DIAPH2: variants seen among roughly 807,000 people sequenced by gnomAD.
DIAPH2 encodes the protein protein diaphanous homolog 2.
DIAPH2 carries 35 observed loss-of-function variants against 92.7 expected under a neutral mutation model. The observed-to-expected ratio is 0.38, with a 90% CI of 0.29 to 0.50. The LOEUF (loss-of-function observed/expected upper bound fraction) is 0.50, where lower values mean the gene tolerates loss of function less well. Among genes scored for constraint, DIAPH2 ranks in the 20% least tolerant of loss-of-function variants. DIAPH2 has a pLI of 0.94. For missense variants in DIAPH2, 701 were observed against 819.5 expected, an observed-to-expected ratio of 0.86 and a Z score of 1.77; for synonymous variants, 301 against 280.4, an observed-to-expected ratio of 1.07 and a Z score of -0.73.
At chrX:97,448,784 G>A (rs1295536633) in intron 26 of DIAPH2, among the ~76,000 whole-genome samples, 3 of 111,593 alleles carry the variant, frequency 2.7e-5, no homozygotes, top group African/African-American at 6.5e-5. Context: ...ATTAGCACTG[G>A]GGCAAGCTGA....
At chrX:96,686,883 T>A (rs2063773764) in intron 1 of DIAPH2, among the ~76,000 whole-genome samples, 1 of 111,739 alleles carries the variant, frequency 8.9e-6, no homozygotes, top group Non-Finnish European at 1.9e-5. Context: ...TTTTGAGTAT[T>A]ATGTTAATAA....
Position 96,684,897 on chromosome X carries a change from TG to T in DIAPH2, c.-160del. The T allele has an allele frequency of 1.6e-6, 1 of 608,069 alleles. No homozygotes were observed. Among genetic ancestry groups the T allele is most frequent in the African/African-American group, 2.3e-5 (1 of 42,676 alleles). The allele number at this position is 608,069 out of a possible 1,213,427, so 50.1% of individuals were successfully genotyped here. On this transcript the variant is annotated 5_prime_UTR_variant, in exon 1 of 27. Transcript: ENST00000324765. ...GTTGCGTCGGGGGTGCCTGGGAGCC[TG>T]GAGTCCCGGGGGCCTGAAATCGGCA...
chrX:97,241,638 G>A (rs1336398912), intron 22 of DIAPH2, among the ~76,000 whole-genome samples: 2 of 110,894 alleles, frequency 1.8e-5, no homozygotes, highest in Non-Finnish European at 3.8e-5. Flanking sequence ...ACTAGTTGAA[G>A]GAACTGGGTA....
intron 5 of DIAPH2, among the ~76,000 whole-genome samples, chrX:96,892,607 C>T (rs2065315083): frequency 9.0e-6 from 1 of 111,500 alleles, no homozygotes; most frequent in Non-Finnish European, 1.9e-5. Context: ...CTGACTTCGG[C>T]ACATGCAATG....
At chrX:96,735,511 T>A (rs2064081130) in intron 1 of DIAPH2, among the ~76,000 whole-genome samples, 1 of 111,649 alleles carries the variant, frequency 9.0e-6, no homozygotes, top group Non-Finnish European at 1.9e-5. Context: ...CTGATTTAGA[T>A]CTGATTTGGG....
At chrX:97,567,709 A>G (rs1441776133) in intron 26 of DIAPH2, among the ~76,000 whole-genome samples, 1 of 111,718 alleles carries the variant, frequency 9.0e-6, no homozygotes, top group Non-Finnish European at 1.9e-5. Flanking sequence ...GGCTAGTCTC[A>G]GTGTGTTATA....
chrX:97,170,126 T>G (rs2067440922), intron 22 of DIAPH2, among the ~76,000 whole-genome samples: 1 of 111,502 alleles, frequency 9.0e-6, no homozygotes, highest in African/African-American at 3.3e-5. Flanking sequence ...GTTCACCACA[T>G]AGGGACACCA....
intron 17 of DIAPH2, among the ~76,000 whole-genome samples, chrX:97,017,029 A>G (rs1226633042): frequency 9.0e-6 from 1 of 111,533 alleles, no homozygotes. Context: ...GTGGGTATGA[A>G]GCTGTGCACT....
intron 26 of DIAPH2, among the ~76,000 whole-genome samples, chrX:97,587,465 T>C (rs767967874): frequency 6.7e-4 from 75 of 111,377 alleles, no homozygotes; most frequent in African/African-American, 2.4e-3. Flanking sequence ...ATAAGAAAAA[T>C]AAGTAAATAG....
At chrX:96,888,568 C>T (rs1569421204) in intron 5 of DIAPH2, among the ~76,000 whole-genome samples, 1 of 46,822 alleles carries the variant, frequency 2.1e-5, no homozygotes, top group Non-Finnish European at 3.4e-5. Context: ...TATATATACA[C>T]AGATATATAT....
chrX:97,480,320 G>C (rs1474771348), intron 26 of DIAPH2, among the ~76,000 whole-genome samples: 1 of 111,771 alleles, frequency 8.9e-6, no homozygotes, highest in Admixed American at 9.5e-5. Flanking sequence ...AGCTAGGAGA[G>C]AGAAGTGCAA....
intron 23 of DIAPH2, among the ~76,000 whole-genome samples, chrX:97,288,540 G>C (rs1372179283): frequency 9.1e-6 from 1 of 110,239 alleles, no homozygotes; most frequent in African/African-American, 3.3e-5. Flanking sequence ...TCAGGAGTTC[G>C]AGAACAGCCT....
rs1485951555 is a variant in DIAPH2, at chrX:97,491,145, C to T, written c.3241+61400C>T. On this transcript the variant is annotated intron_variant, in intron 26 of 26. Coordinates refer to ENST00000324765, the MANE Select transcript of DIAPH2 (RefSeq NM_006729.5). The stretch of plus-strand genomic sequence containing the variant: ...TTATATCTTCCTGATGAATTGCTTT[C>T]ATTATTATGTAATGACCTTTTTCGC... Among the ~76,000 whole-genome samples, 3 of 111,563 alleles carry T rather than the reference C, an allele frequency of 2.7e-5. No individual in the cohort carries two copies. The Admixed American group carries it at 2.9e-4, about 11-fold the overall frequency.
At chrX:97,493,742 C>G (rs2070739774) in intron 26 of DIAPH2, among the ~76,000 whole-genome samples, 1 of 106,930 alleles carries the variant, frequency 9.4e-6, no homozygotes, top group Non-Finnish European at 1.9e-5. Context: ...AAAAATTAGC[C>G]AGTTGTGGTT....
At chrX:97,016,976 G>A (rs1189617166) in intron 17 of DIAPH2, among the ~76,000 whole-genome samples, 1 of 111,557 alleles carries the variant, frequency 9.0e-6, no homozygotes, top group Non-Finnish European at 1.9e-5. Flanking sequence ...TCCTTGGCAC[G>A]ACTGGCAGTC....
At chrX:97,145,591 C>T (rs1449500170) in intron 22 of DIAPH2, among the ~76,000 whole-genome samples, 3 of 109,885 alleles carry the variant, frequency 2.7e-5, no homozygotes, top group Non-Finnish European at 5.7e-5. Flanking sequence ...AATCTCTCTG[C>T]TCTATTTTGA....
chrX:96,869,426 G>C (rs2065124511), intron 4 of DIAPH2, among the ~76,000 whole-genome samples: 1 of 110,382 alleles, frequency 9.1e-6, no homozygotes, highest in African/African-American at 3.3e-5. Flanking sequence ...GCTGGGCGTG[G>C]TGGCGCACGC....
intron 3 of DIAPH2, among the ~76,000 whole-genome samples, chrX:96,750,646 C>T (rs1414567563): frequency 1.8e-5 from 2 of 111,822 alleles, no homozygotes; most frequent in Non-Finnish European, 3.8e-5. Context: ...ATTGTTCTAA[C>T]GGTGACACAA....
rs538571908 is a variant in DIAPH2 at position 96,691,130 on chromosome X, T to C, written c.132+5940T>C. Among the ~76,000 whole-genome samples the C allele has an allele frequency of 3.6e-5, 4 of 111,842 alleles. No homozygotes were observed. In the South Asian group the frequency reaches 1.5e-3, roughly 42 times the overall value. ...AGAACACTGTAAATAACAGCATACA[T>C]AATATATGCTAATTTATATAAATCA... is the stretch of plus-strand genomic sequence containing the variant. On this transcript the variant is annotated intron_variant, in intron 1 of 26. Coordinates refer to ENST00000324765, the MANE Select transcript of DIAPH2 (RefSeq NM_006729.5).
Sources: allele counts gnomAD v4.1 joint callset (sites outside exome capture counted in the v4.1 genomes callset), GRCh38; gene constraint gnomAD v4.1.1; transcripts MANE v1.5; gene names NCBI Gene and HGNC (gene_info 2026-07-23, HGNC 2026-07-21).